The following PPP1R21 variants were observed in gnomAD, a reference collection of about 807,000 sequenced individuals.
PPP1R21 encodes protein phosphatase 1 regulatory subunit 21, also known as KLRAQ motif containing 1.
A neutral mutation model predicts 112.8 loss-of-function variants in PPP1R21; 85 were observed. The ratio of observed to expected loss-of-function variants is 0.75; its 90% confidence interval spans 0.63 to 0.90. The LOEUF is 0.90. Among genes scored for constraint, PPP1R21 ranks in the 40% least tolerant of loss-of-function variants. The pLI is 0.00. For synonymous variants in PPP1R21, 381 were observed against 322.3 expected (o/e 1.18, Z -1.95); for missense variants, 1,199 against 901.5 (o/e 1.33, Z -4.23).
chr2:48,459,060 C>G (rs900134543), intron 4 of PPP1R21, among the ~76,000 whole-genome samples: 5 of 141,116 alleles, frequency 3.5e-5, no homozygotes, highest in Non-Finnish European at 6.0e-5. Flanking sequence ...CCACAGCACT[C>G]TAGCCTGGGC....
rs1438340471 is a variant in PPP1R21, at chr2:48,491,030, T to G, written c.1459T>G (p.Phe487Val). Residue 487 changes from phenylalanine to valine, a missense_variant, in exon 15 of 22, where the codon TTC becomes GTC. Phe to Val is a conservative substitution (Grantham distance 50, BLOSUM62 -1). Coordinates refer to ENST00000294952, the MANE Select transcript of PPP1R21 (RefSeq NM_001135629.3). Reference sequence around the variant, plus strand: ...ATACTTTGTTTAGATTGCATCCTTCTTCAGCAACAATTTGGACTACTTCAT... The same window carrying G: ...ATACTTTGTTTAGATTGCATCCTTCGTCAGCAACAATTTGGACTACTTCAT... ...TNGAGKIASFFSNNLDYFIAS... is the reference protein window; with the variant it reads ...TNGAGKIASFVSNNLDYFIAS... 1 of 1,613,964 alleles carries G rather than the reference T, an allele frequency of 6.2e-7. No individual in the cohort carries two copies. The highest frequency in any genetic ancestry group is 1.3e-5 in the African/African-American group (1 of 74,940).
intron 1 of PPP1R21, among the ~76,000 whole-genome samples, chr2:48,448,908 A>G (rs966236536): frequency 1.3e-5 from 2 of 152,170 alleles, no homozygotes; most frequent in Non-Finnish European, 2.9e-5. Context: ...GCAACCATAG[A>G]CAGTACGTAA....
At chr2:48,445,521 G>A (rs76206361) in intron 1 of PPP1R21, among the ~76,000 whole-genome samples, 3,885 of 152,210 alleles carry the variant, frequency 0.026, 99 homozygotes, top group African/African-American at 0.069. Context: ...TAGGTCTGGG[G>A]TGGGGCCTGA....
intron 3 of PPP1R21, among the ~76,000 whole-genome samples, chr2:48,457,613 A>C (rs1667783506): frequency 6.6e-6 from 1 of 152,154 alleles, no homozygotes; most frequent in African/African-American, 2.4e-5. Context: ...TTTCCTATTT[A>C]TTTATAATAG....
chr2:48,508,454 AAATT>A (rs574492590), intron 19 of PPP1R21, among the ~76,000 whole-genome samples: 132 of 152,358 alleles, frequency 8.7e-4, no homozygotes, highest in Non-Finnish European at 1.5e-3. Context: ...CTGCTAAAAT[AAATT>A]GTGTGCTTAG....
chr2:48,490,997 T>G (rs758582874), intron 14 of PPP1R21, 21 bp from the exon 15 acceptor site: 1 of 1,608,142 alleles, frequency 6.2e-7, no homozygotes, highest in Non-Finnish European at 8.5e-7. Context: ...AAAATCTATT[T>G]CCTTGTCATA....
At chr2:48,510,202 G>A (rs796535359) in intron 20 of PPP1R21, 89 bp downstream of exon 20, 17 of 885,530 alleles carry the variant, frequency 1.9e-5, no homozygotes, top group Non-Finnish European at 3.0e-5. Context: ...AAAGGCATTT[G>A]ATCTCTAGAT....
chr2:48,465,305 A>G (rs1668151850), intron 8 of PPP1R21, among the ~76,000 whole-genome samples, 188 bp from the exon 9 acceptor site: 1 of 152,160 alleles, frequency 6.6e-6, no homozygotes. Context: ...CAGGAGGTGT[A>G]TTTGCCAAAT....
chr2:48,498,311 G>C (rs778961594), intron 16 of PPP1R21, among the ~76,000 whole-genome samples, 182 bp from the exon 17 acceptor site: 1 of 150,670 alleles, frequency 6.6e-6, no homozygotes, highest in Non-Finnish European at 1.5e-5. Flanking sequence ...TTAATTTCTC[G>C]ATTTATGGTT....
At chr2:48,485,315 AAAAC>A (rs1669235747) in intron 13 of PPP1R21, among the ~76,000 whole-genome samples, 1 of 152,142 alleles carries the variant, frequency 6.6e-6, no homozygotes, top group Admixed American at 6.6e-5. Context: ...TGTAAAAAAA[AAAAC>A]AAAAAGCATT....
chr2:48,498,424 G>A (rs77596425), intron 16 of PPP1R21, 69 bp from the exon 17 acceptor site: 155,730 of 1,535,636 alleles, frequency 0.1, 9,204 homozygotes, highest in Non-Finnish European at 0.12. Context: ...CATTCTGTAA[G>A]ATAGTTTTTG....
chr2:48,465,392 C>G, intron 8 of PPP1R21, 101 bp from the exon 9 acceptor site: 1 of 1,061,840 alleles, frequency 9.4e-7, no homozygotes, highest in Non-Finnish European at 1.3e-6. Context: ...AAGGAATAAT[C>G]ACACTAGGAT....
chr2:48,450,998 C>T lies in PPP1R21; in HGVS notation c.58-10C>T. ...TATTAGAAATTGATTATTGCTTTCT[C>T]TGTTTTCAGCTTCGGGCTCAGAATC... On this transcript the variant is annotated splice_polypyrimidine_tract_variant and intron_variant, in intron 1 of 21. Coordinates refer to ENST00000294952, the MANE Select transcript of PPP1R21 (RefSeq NM_001135629.3). 3 of 1,612,220 alleles carry T rather than the reference C, an allele frequency of 1.9e-6. No homozygotes were observed. The highest frequency in any genetic ancestry group is 2.5e-6 in the Non-Finnish European group (3 of 1,178,474).
intron 2 of PPP1R21, among the ~76,000 whole-genome samples, chr2:48,451,500 A>C (rs925162333): frequency 3.3e-5 from 5 of 152,186 alleles, no homozygotes; most frequent in African/African-American, 1.2e-4. Context: ...TTTAGTCCCT[A>C]AATCTTGCCT....
At chr2:48,446,270 C>T (rs1476584864) in intron 1 of PPP1R21, among the ~76,000 whole-genome samples, 2 of 152,224 alleles carry the variant, frequency 1.3e-5, no homozygotes, top group Non-Finnish European at 2.9e-5. Flanking sequence ...GGCCATTTAG[C>T]CTATCACATA....
At chr2:48,452,850 T>C (rs1474358397) in intron 2 of PPP1R21, among the ~76,000 whole-genome samples, 1 of 152,138 alleles carries the variant, frequency 6.6e-6, no homozygotes, top group Non-Finnish European at 1.5e-5. Flanking sequence ...AATTATTTTC[T>C]CCTTAATGGG....
At chr2:48,450,787 T>A (rs986741872) in intron 1 of PPP1R21, among the ~76,000 whole-genome samples, 16 of 152,098 alleles carry the variant, frequency 1.1e-4, no homozygotes, top group South Asian at 4.1e-4. Flanking sequence ...TTTTTTTTTT[T>A]ATTTCATTGG....
At position 48,474,800 on chromosome 2, in the gene PPP1R21, A is replaced by G. The variant is rs1452941073; in HGVS notation, c.1206A>G (p.Ile402Met). The stretch of plus-strand genomic sequence containing the variant: ...TGTTTGAGAAGCTGCAGACTTACAT[A>G]GCTCTTCTTGCCTTGCCAAGTAAGT... ...TAVFEKLQTY[I>M]ALLALPSTEP... is the part of the protein sequence containing the mutation. The change falls in exon 12 of 22, where the codon ATA becomes ATG. Residue 402 changes from isoleucine to methionine, a missense_variant. Ile to Met is a conservative substitution (Grantham distance 10). Transcript: ENST00000294952. 1 of 1,613,406 alleles carries G rather than the reference A, an allele frequency of 6.2e-7. No individual in the cohort carries two copies. Among genetic ancestry groups the G allele is most frequent in the East Asian group, 2.2e-5 (1 of 44,854 alleles).
intron 2 of PPP1R21, among the ~76,000 whole-genome samples, chr2:48,451,581 A>T (rs1318579267): frequency 1.3e-5 from 2 of 152,266 alleles, no homozygotes; most frequent in African/African-American, 4.8e-5. Context: ...TTTTACCATC[A>T]GCATTTTTGT....
Sources: gnomAD v4.1 joint callset for allele counts (sites outside exome capture counted in the v4.1 genomes callset) on GRCh38, gnomAD v4.1.1 for gene constraint, MANE v1.5 for transcripts, NCBI Gene and HGNC (gene_info 2026-07-23, HGNC 2026-07-21) for gene names.